SEMA6B: variants seen among roughly 807,000 people sequenced by gnomAD.
SEMA6B encodes semaphorin 6B, also known as semaphorin-6B.
In SEMA6B, 47 loss-of-function variants were observed where a neutral mutation model predicts 78.6. That is an observed-to-expected ratio of 0.60 (90% CI 0.47 to 0.76). SEMA6B has a LOEUF of 0.76. Among genes scored for constraint, SEMA6B ranks in the 30% least tolerant of loss-of-function variants. The probability of loss-of-function intolerance (pLI) is 0.00; values close to 1 mark genes in which losing one functional copy is unlikely to be tolerated. For synonymous variants in SEMA6B, 632 were observed against 592.2 expected, an observed-to-expected ratio of 1.07 and a Z score of -0.98; for missense variants, 1,213 against 1,269.9, an observed-to-expected ratio of 0.96 and a Z score of 0.68.
In SEMA6B at chr19:4,558,839, C is replaced by T. The variant is rs183079368; in HGVS notation, c.-32-350G>A. Among the ~76,000 whole-genome samples the T allele has an allele frequency of 3.5e-3, 524 of 151,434 alleles. 2 individuals are homozygous for T. Among genetic ancestry groups the T allele is most frequent in the African/African-American group, 0.012 (503 of 41,286 alleles). On this transcript the variant is annotated intron_variant, in intron 1 of 16. Transcript: ENST00000586582. This position sits in a 1 kb window ranked among gnomAD's most constrained non-coding sequence, Gnocchi z 5.1. ...TGCATAAAAATACTTAGAATTAAAA[C>T]ACAAAAATATTAAACTCAAAGGCTA...
rs1013970495 is a variant in SEMA6B at position 4,544,276 on chromosome 19, G to A, written c.1992C>T (p.Gly664=). Residue 664 remains glycine, a synonymous_variant, in exon 17 of 17, where the codon GGC becomes GGT. Coordinates refer to ENST00000586582, the MANE Select transcript of SEMA6B (RefSeq NM_032108.4). This position sits in a 1 kb window ranked among gnomAD's most constrained non-coding sequence, Gnocchi z 5.1. ...LGERRAQGPG[G]RGGGGGGGAG... Reference sequence around the variant, plus strand: ...CGCCACCGCCACCGCCTCCGCCCCGGCCCCCGGGACCCTGCGCCCTGCGCT... The same window carrying A: ...CGCCACCGCCACCGCCTCCGCCCCGACCCCCGGGACCCTGCGCCCTGCGCT... 2 of 1,315,518 alleles carry A rather than the reference G, an allele frequency of 1.5e-6. No homozygotes were observed. Among genetic ancestry groups the A allele is most frequent in the Non-Finnish European group, 1.9e-6 (2 of 1,037,044 alleles). 81.5% of individuals were successfully genotyped at this position (1,315,518 alleles called of 1,614,324 possible). A position where few individuals can be genotyped will look rare whatever the true frequency, so the allele number is the denominator to read the frequency against.
chr19:4,550,254 G>A lies in SEMA6B; in HGVS notation c.1140C>T (p.Ala380=). ...TGGAGGCATTGTACTGCATCCCGGG[G>A]GCTGCGCAGCACCCGGGCCTGGGGG... ...VPRPRPGCCA[A]PGMQYNASSA... The change falls in exon 12 of 17, where the codon GCC becomes GCT. Residue 380 remains alanine, a synonymous_variant. Transcript: ENST00000586582. This position sits in a 1 kb window ranked among gnomAD's most constrained non-coding sequence, Gnocchi z 6.6. 2 of 1,613,458 alleles carry A rather than the reference G, an allele frequency of 1.2e-6. No homozygotes were observed. The highest frequency in any genetic ancestry group is 2.2e-5 in the South Asian group (2 of 91,080).
rs374898215 is a variant in SEMA6B, at chr19:4,550,250, C to T, written c.1144G>A (p.Gly382Arg). 37 of 1,445,470 alleles carry T rather than the reference C, an allele frequency of 2.6e-5. No individual in the cohort carries two copies. Among genetic ancestry groups the T allele is most frequent in the Middle Eastern group, 1.9e-4 (1 of 5,234 alleles). 89.5% of individuals were successfully genotyped at this position (1,445,470 alleles called of 1,614,324 possible). ...RPRPGCCAAPGMQYNASSALP... is the reference protein window; with the variant it reads ...RPRPGCCAAPRMQYNASSALP... ...GCGCTGGAGGCATTGTACTGCATCC[C>T]GGGGGCTGCGCAGCACCCGGGCCTG... is the stretch of plus-strand genomic sequence containing the variant. The change falls in exon 12 of 17, where the codon GGG (glycine) becomes AGG (arginine). Residue 382 changes from glycine to arginine, a missense_variant. Transcript: ENST00000586582. This position sits in a 1 kb window ranked among gnomAD's most constrained non-coding sequence, Gnocchi z 6.6.
rs890107173 is a variant in SEMA6B at position 4,552,724 on chromosome 19, C to G, written c.772-85G>C. 3 of 1,315,104 alleles carry G rather than the reference C, an allele frequency of 2.3e-6. No homozygotes were observed. The African/African-American group carries it at 4.4e-5, about 19-fold the overall frequency. 81.5% of individuals were successfully genotyped at this position (1,315,104 alleles called of 1,614,324 possible). On this transcript the variant is annotated intron_variant, in intron 9 of 16. Transcript: ENST00000586582. The surrounding 1 kb of genome is among the most constrained non-coding windows in gnomAD (Gnocchi z 7.4). ...CAGGCTGTGCCACTCACCACCCAAA[C>G]TGTGATGGAGGAGTCTGACCCTGGC...
Position 4,555,441 on chromosome 19 carries a change from G to A in SEMA6B, c.562+33C>T, listed in dbSNP as rs914687789. The A allele has an allele frequency of 1.5e-5, 23 of 1,580,388 alleles. No homozygotes were observed. The highest frequency in any genetic ancestry group is 2.0e-5 in the Non-Finnish European group (23 of 1,156,300). ...AATGCCAGGTCTTGCCTGTGGCTGG[G>A]GCTGATCAGATGGAGGTTGGGGGGG... is the stretch of plus-strand genomic sequence containing the variant. On this transcript the variant is annotated intron_variant, in intron 7 of 16. Transcript: ENST00000586582. This position sits in a 1 kb window ranked among gnomAD's most constrained non-coding sequence, Gnocchi z 6.1.
At chr19:4,557,993 TCA>T in intron 3 of SEMA6B, 31 bp downstream of exon 3, 7 of 1,337,392 alleles carry the variant, frequency 5.2e-6, no homozygotes, top group Non-Finnish European at 6.8e-6. Flanking sequence ...ATTCTGCTCG[TCA>T]CACAGGCCTC....
rs1444075842 is a variant in SEMA6B, at chr19:4,555,455, AG to A, written c.562+18del. ...CCTGTGGCTGGGGCTGATCAGATGG[AG>A]GTTGGGGGGGTACTTACCAGAGAAG... On this transcript the variant is annotated intron_variant, in intron 7 of 16. Transcript: ENST00000586582. The surrounding 1 kb of genome is among the most constrained non-coding windows in gnomAD (Gnocchi z 6.1). 2.5e-6 allele frequency: 4 copies of A among 1,599,382 alleles called. No homozygotes were observed. The East Asian group carries it at 9.0e-5, about 36-fold the overall frequency.
rs1249849701 is a variant in SEMA6B at position 4,543,456 on chromosome 19, C to A, written c.*145G>T. 2 of 137,920 alleles carry A rather than the reference C, an allele frequency of 1.5e-5. No homozygotes were observed. The highest frequency in any genetic ancestry group is 2.7e-5 in the Non-Finnish European group (2 of 74,006). 8.5% of individuals were successfully genotyped at this position (137,920 alleles called of 1,614,324 possible). ...GCGAGCTGGTTGTGCTTCCTTGTGG[C>A]GGAGGGGGCCCCCCACTCCGCGGGT... On this transcript the variant is annotated 3_prime_UTR_variant, in exon 17 of 17. Transcript: ENST00000586582.
Position 4,558,533 on chromosome 19 carries a change from C to T in SEMA6B, c.-32-44G>A. The stretch of plus-strand genomic sequence containing the variant: ...GAGGTGAGCGGCCTGCAGTCCCGCT[C>T]GTGGCCACAAGACGGCGGGCGAGAG... On this transcript the variant is annotated intron_variant, in intron 1 of 16. Coordinates refer to ENST00000586582, the MANE Select transcript of SEMA6B (RefSeq NM_032108.4). The surrounding 1 kb of genome is among the most constrained non-coding windows in gnomAD (Gnocchi z 5.1). 2.5e-6 allele frequency: 3 copies of T among 1,213,624 alleles called. No homozygotes were observed. Among genetic ancestry groups the T allele is most frequent in the South Asian group, 4.1e-5 (1 of 24,242 alleles). The allele number at this position is 1,213,624 out of a possible 1,614,324, so 75.2% of individuals were successfully genotyped here.
Position 4,544,787 on chromosome 19 carries a change from C to T in SEMA6B, c.1739-258G>A, listed in dbSNP as rs943673044. Among the ~76,000 whole-genome samples the T allele has an allele frequency of 6.6e-6, 1 of 151,880 alleles. No homozygotes were observed. The highest frequency in any genetic ancestry group is 1.5e-5 in the Non-Finnish European group (1 of 67,972). ...AGTAGCTGGGACCACAGGTGCCCAC[C>T]ACCACGCCCGGCTAATTTTTGTATT... On this transcript the variant is annotated intron_variant, in intron 16 of 16. Coordinates refer to ENST00000586582, the MANE Select transcript of SEMA6B (RefSeq NM_032108.4). This position sits in a 1 kb window ranked among gnomAD's most constrained non-coding sequence, Gnocchi z 5.1.
In SEMA6B at chr19:4,550,733, C is replaced by G; in HGVS notation, c.1121+66G>C. 1 of 1,583,254 alleles carries G rather than the reference C, an allele frequency of 6.3e-7. No homozygotes were observed. Among genetic ancestry groups the G allele is most frequent in the African/African-American group, 1.3e-5 (1 of 74,200 alleles). On this transcript the variant is annotated intron_variant, in intron 11 of 16. Transcript: ENST00000586582. This position sits in a 1 kb window ranked among gnomAD's most constrained non-coding sequence, Gnocchi z 6.6. ...CAGCTAAATAACCACCCGGAAGCCC[C>G]AGCCCTCGGCCCTGGGGATCAGGAC...
chr19:4,556,709 A>T (rs1977479395), intron 5 of SEMA6B, among the ~76,000 whole-genome samples: 1 of 150,926 alleles, frequency 6.6e-6, no homozygotes, highest in African/African-American at 2.4e-5. Flanking sequence ...GGGCGTGGTT[A>T]TGGATAATTG....
At position 4,543,652 on chromosome 19, in the gene SEMA6B, G is replaced by A. The variant is rs1196663887; in HGVS notation, c.2616C>T (p.Ala872=). 1 of 1,231,906 alleles carries A rather than the reference G, an allele frequency of 8.1e-7. No individual in the cohort carries two copies. The highest frequency in any genetic ancestry group is 1.0e-6 in the Non-Finnish European group (1 of 987,940). 76.3% of individuals were successfully genotyped at this position (1,231,906 alleles called of 1,614,324 possible). The part of the protein sequence containing the change: ...GCHARPGTDL[A]HLLPYGGADR... Reference sequence around the variant, plus strand: ...CCGCCCCCCCATAGGGGAGGAGGTGGGCCAAGTCTGTGCCCGGCCGGGCGT... The same window carrying A: ...CCGCCCCCCCATAGGGGAGGAGGTGAGCCAAGTCTGTGCCCGGCCGGGCGT... Residue 872 remains alanine (A), a synonymous_variant, in exon 17 of 17, where the codon GCC becomes GCT. Coordinates refer to ENST00000586582, the MANE Select transcript of SEMA6B (RefSeq NM_032108.4).
rs1977056827 is a variant in SEMA6B at position 4,542,949 on chromosome 19, C to T, written c.*652G>A. 7.1e-6 allele frequency: 5 copies of T among 700,676 alleles called. No individual in the cohort carries two copies. Among genetic ancestry groups the T allele is most frequent in the Admixed American group, 6.0e-5 (3 of 50,000 alleles). The allele number at this position is 700,676 out of a possible 1,614,324, so 43.4% of individuals were successfully genotyped here. A position where few individuals can be genotyped will look rare whatever the true frequency, so the allele number is the denominator to read the frequency against. ...AACCGGCACCTCGGAGACCCCCGGG[C>T]CTTCTGGAAGCCCCAGCGTCGGCTC... On this transcript the variant is annotated 3_prime_UTR_variant, in exon 17 of 17. Transcript: ENST00000586582.
At position 4,544,150 on chromosome 19, in the gene SEMA6B, C is replaced by T. The variant is rs1346201742; in HGVS notation, c.2118G>A (p.Leu706=). Residue 706 remains leucine, a synonymous_variant, in exon 17 of 17, where the codon CTG becomes CTA. Coordinates refer to ENST00000586582, the MANE Select transcript of SEMA6B (RefSeq NM_032108.4). This position sits in a 1 kb window ranked among gnomAD's most constrained non-coding sequence, Gnocchi z 5.1. ...QGGPHDLDSG[L]LPTPEQTPLP... ...GCGGCGTCTGCTCGGGCGTGGGCAG[C>T]AGCCCCGAGTCCAGGTCGTGGGGCC... 7.9e-7 allele frequency: 1 copy of T among 1,273,156 alleles called. No individual in the cohort carries two copies. The highest frequency in any genetic ancestry group is 9.9e-7 in the Non-Finnish European group (1 of 1,011,822). The allele number at this position is 1,273,156 out of a possible 1,614,324, so 78.9% of individuals were successfully genotyped here.
At position 4,555,073 on chromosome 19, in the gene SEMA6B, A is replaced by G; in HGVS notation, c.585T>C (p.Thr195=). Residue 195 remains threonine (T), a synonymous_variant, in exon 8 of 17, where the codon ACT becomes ACC. Transcript: ENST00000586582. This position sits in a 1 kb window ranked among gnomAD's most constrained non-coding sequence, Gnocchi z 6.1. The part of the protein sequence containing the change: ...LFSDGMLFTA[T]VTDFLAIDAV... ...CATCAATGGCTAGGAAGTCGGTAAC[A>G]GTAGCTGTGAAGAGCATCCCGTCTG... 6.2e-7 allele frequency: 1 copy of G among 1,613,892 alleles called. No homozygotes were observed. Among genetic ancestry groups the G allele is most frequent in the South Asian group, 1.1e-5 (1 of 91,084 alleles).
rs1437773257 is a variant in SEMA6B at position 4,546,774 on chromosome 19, G to A, written c.1602-305C>T. Among the ~76,000 whole-genome samples the A allele has an allele frequency of 2.6e-5, 4 of 151,668 alleles. No individual in the cohort carries two copies. The South Asian group carries it at 6.2e-4, about 24-fold the overall frequency. ...CGAGTAGCTGGGATTACAGGCACGC[G>A]CCACCATACTTAGCTAATTTTTGCA... On this transcript the variant is annotated intron_variant, in intron 14 of 16. Transcript: ENST00000586582.
In SEMA6B at chr19:4,543,264, C is replaced by T; in HGVS notation, c.*337G>A. 1.9e-6 allele frequency: 1 copy of T among 531,170 alleles called. No homozygotes were observed. The allele number at this position is 531,170 out of a possible 1,614,324, so 32.9% of individuals were successfully genotyped here. ...CCAAGCCTCCCCTGCCTGCCGCCACCCCGAGAACGGAGTTGTGCAATTGGT... is the reference window on the plus strand; with the variant it reads ...CCAAGCCTCCCCTGCCTGCCGCCACTCCGAGAACGGAGTTGTGCAATTGGT... On this transcript the variant is annotated 3_prime_UTR_variant, in exon 17 of 17. Coordinates refer to ENST00000586582, the MANE Select transcript of SEMA6B (RefSeq NM_032108.4).
In SEMA6B at chr19:4,555,199, G is replaced by A; in HGVS notation, c.563-104C>T. On this transcript the variant is annotated intron_variant, in intron 7 of 16. Transcript: ENST00000586582. The surrounding 1 kb of genome is among the most constrained non-coding windows in gnomAD (Gnocchi z 6.1). ...TCTGAGACTGAGTCCTGAGCCTAGG[G>A]GAGCCCCTGTCTCCAGGCTGAGCCC... 1 of 1,267,822 alleles carries A rather than the reference G, an allele frequency of 7.9e-7. No individual in the cohort carries two copies. The allele number at this position is 1,267,822 out of a possible 1,614,324, so 78.5% of individuals were successfully genotyped here. A position where few individuals can be genotyped will look rare whatever the true frequency, so the allele number is the denominator to read the frequency against.
Sources: gnomAD v4.1 joint callset for allele counts (sites outside exome capture counted in the v4.1 genomes callset) on GRCh38, gnomAD v4.1.1 for gene constraint, Gnocchi (gnomAD v3.1) non-coding constraint, MANE v1.5 for transcripts, NCBI Gene and HGNC (gene_info 2026-07-23, HGNC 2026-07-21) for gene names.